SIPA1L1: variants seen among roughly 807,000 people sequenced by gnomAD.
SIPA1L1 encodes signal-induced proliferation-associated 1-like protein 1.
Under a neutral mutation model 162.7 loss-of-function variants are expected in SIPA1L1, and 26 were observed. The observed-to-expected ratio is 0.16, with a 90% confidence interval of 0.12 to 0.22. The LOEUF is 0.22. Among genes scored for constraint, SIPA1L1 ranks in the 10% least tolerant of loss-of-function variants. The probability of loss-of-function intolerance (pLI) is 1.00; values close to 1 mark genes in which losing one functional copy is unlikely to be tolerated. For missense variants in SIPA1L1, 1,874 were observed against 2,241.0 expected (o/e 0.84, Z 3.31); for synonymous variants, 829 against 837.4 (o/e 0.99, Z 0.17).
intron 4 of SIPA1L1, among the ~76,000 whole-genome samples, chr14:71,550,300 A>G (rs911156018): frequency 3.9e-5 from 6 of 152,180 alleles, no homozygotes; most frequent in African/African-American, 1.4e-4. Context: ...GAAATGATGG[A>G]CAATAAACTT....
intron 2 of SIPA1L1, among the ~76,000 whole-genome samples, chr14:71,511,437 AC>A (rs1433187083): frequency 1.3e-5 from 2 of 151,038 alleles, no homozygotes; most frequent in Non-Finnish European, 1.5e-5. Flanking sequence ...GGCGTGGGCC[AC>A]CATGCCTGGC....
Position 71,627,131 on chromosome 14 carries a change from C to CTTTTTTTTTTTTTTT in SIPA1L1, c.1818+2924_1818+2938dup, listed in dbSNP as rs71105788. Among the ~76,000 whole-genome samples, 7 of 48,788 alleles carry CTTTTTTTTTTTTTTT rather than the reference C, an allele frequency of 1.4e-4. 1 individual carries two copies. The highest frequency in any genetic ancestry group is 3.2e-4 in the Admixed American group (1 of 3,158). The allele number at this position is 48,788 out of a possible 152,430, so 32.0% of individuals were successfully genotyped here. A position where few individuals can be genotyped will look rare whatever the true frequency, so the allele number is the denominator to read the frequency against. On this transcript the variant is annotated intron_variant, in intron 7 of 23. Coordinates refer to ENST00000381232, the MANE Select transcript of SIPA1L1 (RefSeq NM_001386936.1). ...TGATGCCTTTCTGGGACTTTCACTA[C>CTTTTTTTTTTTTTTT]TTTTTTTTTTTTTTTTTTTTTTTTT...
intron 2 of SIPA1L1, among the ~76,000 whole-genome samples, chr14:71,413,733 G>A (rs190122252): frequency 6.2e-4 from 94 of 152,108 alleles, no homozygotes; most frequent in African/African-American, 1.9e-3. Flanking sequence ...GCAAAACACC[G>A]TCTAAAAAAC....
intron 12 of SIPA1L1, among the ~76,000 whole-genome samples, chr14:71,680,042 A>G (rs1293995941): frequency 6.6e-6 from 1 of 152,238 alleles, no homozygotes; most frequent in Non-Finnish European, 1.5e-5. Flanking sequence ...GTTAACAAGG[A>G]TATCCAGGAA....
rs372112896 is a variant in SIPA1L1 at position 71,518,502 on chromosome 14, G to A, written c.-362+5657G>A. Among the ~76,000 whole-genome samples the A allele has an allele frequency of 3.9e-5, 6 of 152,252 alleles. No individual in the cohort carries two copies. In the South Asian group the frequency reaches 1.2e-3, roughly 32 times the overall value. On this transcript the variant is annotated intron_variant, in intron 3 of 23. Transcript: ENST00000381232. ...TGGTATGGCAGATCCCCTCATTACT[G>A]TTGTCTTCATGTGTAGTATCTTGAT...
chr14:71,520,136 G>A (rs2052170133), intron 3 of SIPA1L1, among the ~76,000 whole-genome samples: 1 of 152,040 alleles, frequency 6.6e-6, no homozygotes, highest in South Asian at 2.1e-4. Flanking sequence ...TTTAAATAAT[G>A]AAATGCCGTT....
At chr14:71,641,540 G>T (rs1219608055) in intron 7 of SIPA1L1, among the ~76,000 whole-genome samples, 1 of 152,162 alleles carries the variant, frequency 6.6e-6, no homozygotes, top group East Asian at 1.9e-4. Flanking sequence ...GGCTAATACA[G>T]TGAAGCCCCA....
intron 7 of SIPA1L1, among the ~76,000 whole-genome samples, chr14:71,640,352 C>T (rs931007932): frequency 1.3e-5 from 2 of 152,050 alleles, no homozygotes; most frequent in Non-Finnish European, 2.9e-5. Flanking sequence ...GCACCAAGAG[C>T]TTGATCTAGA....
At chr14:71,619,370 A>G (rs2039177957) in intron 6 of SIPA1L1, among the ~76,000 whole-genome samples, 1 of 152,224 alleles carries the variant, frequency 6.6e-6, no homozygotes, top group East Asian at 1.9e-4. Context: ...TTTGGGACCC[A>G]TTGTCTGAGA....
intron 17 of SIPA1L1, among the ~76,000 whole-genome samples, chr14:71,719,148 A>C (rs916735831): frequency 6.6e-6 from 1 of 152,038 alleles, no homozygotes; most frequent in Non-Finnish European, 1.5e-5. Flanking sequence ...CATATTGCCC[A>C]GGCTGGTCTC....
intron 17 of SIPA1L1, among the ~76,000 whole-genome samples, chr14:71,713,093 GC>G (rs1449496365): frequency 6.6e-6 from 1 of 152,208 alleles, no homozygotes. Context: ...GGTGACATGG[GC>G]CTATAGTCCC....
intron 4 of SIPA1L1, among the ~76,000 whole-genome samples, chr14:71,533,907 T>C (rs1243288528): frequency 6.7e-6 from 1 of 150,160 alleles, no homozygotes; most frequent in Non-Finnish European, 1.5e-5. Context: ...TACAAAAACC[T>C]TCATTTAGGC....
At chr14:71,585,940 G>A (rs2034541312) in intron 4 of SIPA1L1, among the ~76,000 whole-genome samples, 1 of 152,176 alleles carries the variant, frequency 6.6e-6, no homozygotes, top group Non-Finnish European at 1.5e-5. Context: ...ATCCTCGGAA[G>A]CAACAGTTAG....
At position 71,730,199 on chromosome 14, in the gene SIPA1L1, G is replaced by A. The variant is rs2084637179; in HGVS notation, c.4759G>A (p.Ala1587Thr). The A allele has an allele frequency of 1.2e-6, 2 of 1,614,172 alleles. No individual in the cohort carries two copies. The highest frequency in any genetic ancestry group is 3.3e-5 in the Admixed American group (2 of 60,028). Reference sequence around the variant, plus strand: ...CTCCAGGGCGTCACTTCTGGACCAAGCCCTGCCCAACGACGTCCTCTTCAG... The same window carrying A: ...CTCCAGGGCGTCACTTCTGGACCAAACCCTGCCCAACGACGTCCTCTTCAG... ...FTSRASLLDQ[A>T]LPNDVLFSST... Residue 1587 changes from alanine (A) to threonine (T), a missense_variant, in exon 20 of 24, where the codon GCC becomes ACC. This residue lies in a region of SIPA1L1 where 936 missense variants were observed against 1,051.9 expected (regional missense o/e 0.89). Transcript: ENST00000381232.
intron 21 of SIPA1L1, 85 bp downstream of exon 21, chr14:71,733,897 C>G (rs1490738290): frequency 7.1e-7 from 1 of 1,406,998 alleles, no homozygotes; most frequent in Non-Finnish European, 9.6e-7. Context: ...TCTGGACACA[C>G]TCAAAACATA....
chr14:71,705,140 C>T (rs1376827886), intron 15 of SIPA1L1, 82 bp from the exon 16 acceptor site: 3 of 955,894 alleles, frequency 3.1e-6, no homozygotes, highest in Admixed American at 1.8e-5. Flanking sequence ...CTGAAAGATG[C>T]AATGGCAAGC....
chr14:71,356,567 C>CAAAAAAAAAAAAAAACAAAAAAAAAA (rs2037270355), intron 2 of SIPA1L1, among the ~76,000 whole-genome samples: 1 of 39,172 alleles, frequency 2.6e-5, no homozygotes, highest in Admixed American at 4.8e-4. Flanking sequence ...CTTGTCTCTA[C>CAAAAAAAAAAAAAAACAAAAAAAAAA]AAAAAAAAAA....
intron 4 of SIPA1L1, among the ~76,000 whole-genome samples, chr14:71,536,216 C>T (rs948433285): frequency 2.1e-4 from 32 of 151,900 alleles, no homozygotes; most frequent in Middle Eastern, 3.4e-3. Context: ...AAGTAGTTGT[C>T]CTTTGTGCTG....
At chr14:71,685,684 A>T in intron 13 of SIPA1L1, 53 bp downstream of exon 13, 1 of 1,594,656 alleles carries the variant, frequency 6.3e-7, no homozygotes, top group Non-Finnish European at 8.6e-7. Context: ...AAATGTAAGT[A>T]ACACAGACCC....
Sources: gnomAD v4.1 joint callset for allele counts (sites outside exome capture counted in the v4.1 genomes callset) on GRCh38, gnomAD v4.1.1 for gene constraint, gnomAD v4.1.1 regional missense constraint, MANE v1.5 for transcripts, NCBI Gene and HGNC (gene_info 2026-07-23, HGNC 2026-07-21) for gene names.